The following PARD3B variants were observed in gnomAD, a reference collection of about 807,000 sequenced individuals.
The protein encoded by PARD3B is partitioning defective 3 homolog B.
PARD3B carries 103 observed loss-of-function variants against 130.2 expected under a neutral mutation model. The ratio of observed to expected loss-of-function variants is 0.79; its 90% CI spans 0.67 to 0.93. The LOEUF is 0.93. Among genes scored for constraint, PARD3B ranks in the 40% least tolerant of loss-of-function variants. The pLI, the probability that PARD3B is intolerant of heterozygous loss-of-function variation, is 0.00. For synonymous variants in PARD3B, 583 were observed against 553.2 expected (o/e 1.05, Z -0.76); for missense variants, 1,609 against 1,499.2 (o/e 1.07, Z -1.21).
chr2:205,581,289 G>GATAGATAT (rs2053966260), intron 22 of PARD3B, among the ~76,000 whole-genome samples: 3 of 138,782 alleles, frequency 2.2e-5, no homozygotes, highest in African/African-American at 8.1e-5. Context: ...TAGATATATA[G>GATAGATAT]ATAGATATAG....
At chr2:204,569,657 ATTGT>A (rs1204355409) in intron 1 of PARD3B, among the ~76,000 whole-genome samples, 3 of 152,348 alleles carry the variant, frequency 2.0e-5, no homozygotes, top group Non-Finnish European at 2.9e-5. Context: ...GTAACTAAAA[ATTGT>A]TTGAGAGAAA....
intron 3 of PARD3B, among the ~76,000 whole-genome samples, chr2:205,046,117 C>T (rs1017949706): frequency 6.6e-6 from 1 of 151,952 alleles, no homozygotes; most frequent in East Asian, 1.9e-4. Context: ...TTTCATGTTG[C>T]TGGTAATTGA....
intron 4 of PARD3B, among the ~76,000 whole-genome samples, chr2:205,077,978 A>G (rs1445732639): frequency 1.3e-5 from 2 of 152,218 alleles, no homozygotes; most frequent in African/African-American, 4.8e-5. Flanking sequence ...AGTTATTTGC[A>G]TTTGTCACAA....
intron 19 of PARD3B, among the ~76,000 whole-genome samples, chr2:205,409,702 T>C (rs776106517): frequency 1.3e-5 from 2 of 152,154 alleles, no homozygotes; most frequent in Non-Finnish European, 2.9e-5. Flanking sequence ...CAAACTTCTA[T>C]GAAGTACACC....
At chr2:205,307,461 C>T (rs1321945115) in intron 18 of PARD3B, among the ~76,000 whole-genome samples, 1 of 152,108 alleles carries the variant, frequency 6.6e-6, no homozygotes, top group Non-Finnish European at 1.5e-5. Flanking sequence ...TCTCTGTATG[C>T]TCTGTGCTTA....
intron 21 of PARD3B, among the ~76,000 whole-genome samples, chr2:205,538,965 A>G (rs182341106): frequency 1.3e-5 from 2 of 152,308 alleles, no homozygotes; most frequent in Admixed American, 1.3e-4. Context: ...AATCGCATTT[A>G]CAGATGAGAG....
At chr2:205,311,301 C>T (rs1328249792) in intron 18 of PARD3B, among the ~76,000 whole-genome samples, 1 of 152,096 alleles carries the variant, frequency 6.6e-6, no homozygotes, top group East Asian at 1.9e-4. Flanking sequence ...TAGAAGGGCT[C>T]CCTTTTCTTC....
Position 205,572,315 on chromosome 2 carries a change from T to C in PARD3B, c.3260+18912T>C, listed in dbSNP as rs574303368. 5.9e-5 allele frequency among the ~76,000 whole-genome samples: 9 copies of C among 152,342 alleles called. 1 individual carries two copies. In the South Asian group the frequency reaches 1.9e-3, roughly 32 times the overall value. On this transcript the variant is annotated intron_variant, in intron 22 of 22. Coordinates refer to ENST00000406610, the MANE Select transcript of PARD3B (RefSeq NM_001302769.2). The surrounding 1 kb of genome is among the most constrained non-coding windows in gnomAD (Gnocchi z 4.2). ...GAATTTGAAGAAGTGGCAAGATGTG[T>C]AGCACTTTATACAACACGCTAGGGA...
Position 204,623,654 on chromosome 2 carries a change from A to T in PARD3B, c.121-62527A>T, listed in dbSNP as rs2034382102. On this transcript the variant is annotated intron_variant, in intron 1 of 22. Transcript: ENST00000406610. The surrounding 1 kb of genome is among the most constrained non-coding windows in gnomAD (Gnocchi z 4.5). ...CCTTTTTCTTTATTGTGGTAAGAAC[A>T]CTTAACATGAGATCTGTCCTCTTAA... is the stretch of plus-strand genomic sequence containing the variant. Among the ~76,000 whole-genome samples, 1 of 152,118 alleles carries T rather than the reference A, an allele frequency of 6.6e-6. No homozygotes were observed. The highest frequency in any genetic ancestry group is 1.9e-4 in the East Asian group (1 of 5,186).
chr2:205,366,061 T>C lies in PARD3B; in HGVS notation c.2631-34952T>C, dbSNP rs966375765. 4.0e-5 allele frequency among the ~76,000 whole-genome samples: 6 copies of C among 149,230 alleles called. No homozygotes were observed. The highest frequency in any genetic ancestry group is 1.5e-4 in the African/African-American group (6 of 40,928). ...CTATCTATCTACCCACCCACCCATCTATCCCCCCACTCATCCATCCATCCG... is the reference window on the plus strand; with the variant it reads ...CTATCTATCTACCCACCCACCCATCCATCCCCCCACTCATCCATCCATCCG... On this transcript the variant is annotated intron_variant, in intron 18 of 22. Coordinates refer to ENST00000406610, the MANE Select transcript of PARD3B (RefSeq NM_001302769.2). The surrounding 1 kb of genome is among the most constrained non-coding windows in gnomAD (Gnocchi z 5.0).
In PARD3B at chr2:204,678,070, A is replaced by G. The variant is rs1482441228; in HGVS notation, c.121-8111A>G. On this transcript the variant is annotated intron_variant, in intron 1 of 22. Coordinates refer to ENST00000406610, the MANE Select transcript of PARD3B (RefSeq NM_001302769.2). The surrounding 1 kb of genome is among the most constrained non-coding windows in gnomAD (Gnocchi z 4.2). ...GTATATCACACGTGCAGAAAAGTAC[A>G]CAAGTTAAGTATAGCTGGTGAGACA... Among the ~76,000 whole-genome samples, 2 of 152,240 alleles carry G rather than the reference A, an allele frequency of 1.3e-5. No homozygotes were observed. The highest frequency in any genetic ancestry group is 2.9e-5 in the Non-Finnish European group (2 of 68,046).
intron 19 of PARD3B, among the ~76,000 whole-genome samples, chr2:205,409,794 A>G (rs2046534257): frequency 1.3e-5 from 2 of 152,150 alleles, no homozygotes. Context: ...ACTTTATCGT[A>G]TGTAGTTGCA....
In PARD3B at chr2:204,669,737, A is replaced by T. The variant is rs1220596475; in HGVS notation, c.121-16444A>T. 6.6e-6 allele frequency among the ~76,000 whole-genome samples: 1 copy of T among 152,208 alleles called. No homozygotes were observed. Among genetic ancestry groups the T allele is most frequent in the Non-Finnish European group, 1.5e-5 (1 of 68,034 alleles). On this transcript the variant is annotated intron_variant, in intron 1 of 22. Transcript: ENST00000406610. This position sits in a 1 kb window ranked among gnomAD's most constrained non-coding sequence, Gnocchi z 4.3. The stretch of plus-strand genomic sequence containing the variant: ...TGTAAATATTTGCAACTTCAGTAGC[A>T]TAAAAGTAAAGGTAGAGCCGACAGA...
intron 18 of PARD3B, among the ~76,000 whole-genome samples, chr2:205,389,470 C>A (rs1352597461): frequency 1.3e-5 from 2 of 152,136 alleles, no homozygotes; most frequent in Non-Finnish European, 2.9e-5. Flanking sequence ...TCAAGGGATT[C>A]TTTTGCCTCA....
chr2:204,991,083 T>TA (rs923774720), intron 3 of PARD3B, among the ~76,000 whole-genome samples: 14 of 151,878 alleles, frequency 9.2e-5, no homozygotes, highest in Admixed American at 2.6e-4. Context: ...TTTTTTTTTT[T>TA]TTATTATACT....
chr2:205,382,869 G>A (rs2045502738), intron 18 of PARD3B, among the ~76,000 whole-genome samples: 2 of 151,926 alleles, frequency 1.3e-5, no homozygotes, highest in South Asian at 4.2e-4. Context: ...ATTTTAACTT[G>A]TCCATACCTT....
chr2:204,805,417 A>G (rs2042731173), intron 2 of PARD3B, among the ~76,000 whole-genome samples: 1 of 152,112 alleles, frequency 6.6e-6, no homozygotes, highest in South Asian at 2.1e-4. Context: ...TGAAGCCCTA[A>G]TAAAACAAAA....
At chr2:205,337,311 ACATC>A (rs1332744000) in intron 18 of PARD3B, among the ~76,000 whole-genome samples, 1 of 152,334 alleles carries the variant, frequency 6.6e-6, no homozygotes, top group African/African-American at 2.4e-5. Context: ...TAGCATACTT[ACATC>A]TTCTTTATGT....
intron 3 of PARD3B, among the ~76,000 whole-genome samples, chr2:205,042,001 G>A (rs1698426445): frequency 1.3e-5 from 2 of 152,126 alleles, no homozygotes; most frequent in Admixed American, 6.5e-5. Flanking sequence ...GAGGGAGAGG[G>A]AGAGTGTGAT....
Sources: gnomAD v4.1 joint callset for allele counts (sites outside exome capture counted in the v4.1 genomes callset) on GRCh38, gnomAD v4.1.1 for gene constraint, Gnocchi (gnomAD v3.1) non-coding constraint, MANE v1.5 for transcripts, NCBI Gene and HGNC (gene_info 2026-07-23, HGNC 2026-07-21) for gene names.